Variants in NOVA1 observed in about 807,000 individuals in gnomAD.
NOVA1 encodes RNA-binding protein Nova-1.
Under a neutral mutation model 38.0 loss-of-function variants are expected in NOVA1, and 7 were observed. That is an observed-to-expected ratio of 0.18 (90% confidence interval 0.10 to 0.35). The LOEUF (loss-of-function observed/expected upper bound fraction) is 0.35, where lower values mean the gene tolerates loss of function less well. Among genes scored for constraint, NOVA1 ranks in the 10% least tolerant of loss-of-function variants. NOVA1 has a pLI of 1.00. For synonymous variants in NOVA1, 270 were observed against 232.5 expected (o/e 1.16, Z -1.47); for missense variants, 460 against 616.0 (o/e 0.75, Z 2.68).
At chr14:26,502,177 T>C (rs1172569014) in intron 2 of NOVA1, among the ~76,000 whole-genome samples, 1 of 151,918 alleles carries the variant, frequency 6.6e-6, no homozygotes, top group Non-Finnish European at 1.5e-5. Context: ...TTATTTTCTT[T>C]ACAGACCCTG....
At chr14:26,539,341 T>C (rs561046621) in intron 2 of NOVA1, among the ~76,000 whole-genome samples, 31 of 152,270 alleles carry the variant, frequency 2.0e-4, no homozygotes, top group African/African-American at 7.5e-4. Flanking sequence ...GTGATAGTTA[T>C]AATATGAAAG....
intron 2 of NOVA1, among the ~76,000 whole-genome samples, chr14:26,493,242 C>A (rs1248475761): frequency 6.6e-6 from 1 of 152,104 alleles, no homozygotes; most frequent in East Asian, 1.9e-4. Flanking sequence ...TGTCAGACAC[C>A]TGTTTGAGTA....
rs1039531617 is a variant in NOVA1, at chr14:26,443,579, A to G, written c.*4380T>C. 6.6e-6 allele frequency: 1 copy of G among 152,340 alleles called. No homozygotes were observed. The highest frequency in any genetic ancestry group is 2.4e-5 in the African/African-American group (1 of 41,432). 9.4% of individuals were successfully genotyped at this position (152,340 alleles called of 1,614,324 possible). ...AAGAAAAGTTATTTATTTGGGGCAC[A>G]TATCTGATGAAACAAAAAATAACAT... On this transcript the variant is annotated 3_prime_UTR_variant, in exon 5 of 5. Coordinates refer to ENST00000539517, the MANE Select transcript of NOVA1 (RefSeq NM_002515.3).
At chr14:26,453,258 A>C (rs887611090) in intron 4 of NOVA1, among the ~76,000 whole-genome samples, 1 of 151,976 alleles carries the variant, frequency 6.6e-6, no homozygotes, top group African/African-American at 2.4e-5. Context: ...CCCAGGCTGG[A>C]GTACAGTGAC....
intron 3 of NOVA1, among the ~76,000 whole-genome samples, chr14:26,473,097 T>A (rs953438061): frequency 4.6e-5 from 7 of 151,848 alleles, no homozygotes; most frequent in African/African-American, 1.7e-4. Flanking sequence ...GTAAATTTAA[T>A]ATAGATGAAG....
chr14:26,453,265 T>C (rs1470569211), intron 4 of NOVA1, among the ~76,000 whole-genome samples: 1 of 152,028 alleles, frequency 6.6e-6, no homozygotes, highest in African/African-American at 2.4e-5. Flanking sequence ...TGGAGTACAG[T>C]GACACAATCA....
At position 26,447,898 on chromosome 14, in the gene NOVA1, C is replaced by T. The variant is rs894648503; in HGVS notation, c.*61G>A. 5.1e-6 allele frequency: 7 copies of T among 1,360,174 alleles called. No homozygotes were observed. The highest frequency in any genetic ancestry group is 7.3e-6 in the Non-Finnish European group (7 of 958,232). The allele number at this position is 1,360,174 out of a possible 1,614,324, so 84.3% of individuals were successfully genotyped here. A position where few individuals can be genotyped will look rare whatever the true frequency, so the allele number is the denominator to read the frequency against. ...AACTTCACTTCTGCAAAGTACAGTA[C>T]ATCCTTCTTGAAAATGGGGTAAAGG... On this transcript the variant is annotated 3_prime_UTR_variant, in exon 5 of 5. Transcript: ENST00000539517.
intron 1 of NOVA1, chr14:26,596,875 C>T (rs945812861): frequency 8.8e-7 from 1 of 1,137,358 alleles, no homozygotes; most frequent in Non-Finnish European, 1.1e-6. Flanking sequence ...CAATCCGCTA[C>T]CCAAGTGCCA....
chr14:26,537,197 T>C (rs1186905093), intron 2 of NOVA1, among the ~76,000 whole-genome samples: 2 of 152,028 alleles, frequency 1.3e-5, no homozygotes, highest in East Asian at 3.8e-4. Context: ...AGTGTAGAAA[T>C]TTTTAAAATC....
chr14:26,463,438 T>C (rs907389953), intron 4 of NOVA1, among the ~76,000 whole-genome samples: 1 of 152,182 alleles, frequency 6.6e-6, no homozygotes, highest in Non-Finnish European at 1.5e-5. Flanking sequence ...GATTCCAATT[T>C]CCCTGATGAC....
At position 26,444,982 on chromosome 14, in the gene NOVA1, A is replaced by G. The variant is rs1209201477; in HGVS notation, c.*2977T>C. 6.6e-6 allele frequency: 1 copy of G among 152,206 alleles called. No homozygotes were observed. The highest frequency in any genetic ancestry group is 2.4e-5 in the African/African-American group (1 of 41,464). 9.4% of individuals were successfully genotyped at this position (152,206 alleles called of 1,614,324 possible). The stretch of plus-strand genomic sequence containing the variant: ...GAATGAGGTGTCCAATCTGTATGAT[A>G]AACAGCACACTGTGTCTCAGAGCGC... On this transcript the variant is annotated 3_prime_UTR_variant, in exon 5 of 5. Coordinates refer to ENST00000539517, the MANE Select transcript of NOVA1 (RefSeq NM_002515.3).
chr14:26,502,368 T>G (rs1887302162), intron 2 of NOVA1, among the ~76,000 whole-genome samples: 1 of 151,880 alleles, frequency 6.6e-6, no homozygotes, highest in East Asian at 1.9e-4. Flanking sequence ...GCTGTTCTTT[T>G]GCAATTAATT....
intron 2 of NOVA1, among the ~76,000 whole-genome samples, chr14:26,481,380 A>C (rs1462517581): frequency 1.3e-5 from 2 of 152,118 alleles, no homozygotes; most frequent in African/African-American, 4.8e-5. Flanking sequence ...AGTCATAAGG[A>C]GTTTATACTG....
intron 2 of NOVA1, among the ~76,000 whole-genome samples, chr14:26,577,996 T>C (rs1892968838): frequency 7.0e-6 from 1 of 143,848 alleles, no homozygotes. Flanking sequence ...TCCAAGGAAA[T>C]GAGAAAAAAA....
intron 2 of NOVA1, chr14:26,519,165 A>G (rs1888690324): frequency 6.7e-6 from 1 of 150,206 alleles, no homozygotes; most frequent in Non-Finnish European, 1.5e-5. Context: ...TTCCTCCAAT[A>G]TAACTATATA....
At chr14:26,478,325 C>G (rs930347077) in intron 3 of NOVA1, among the ~76,000 whole-genome samples, 3 of 151,694 alleles carry the variant, frequency 2.0e-5, no homozygotes, top group African/African-American at 7.3e-5. Context: ...ATTCATATCA[C>G]CGTCCTGAAC....
chr14:26,457,967 A>G (rs1226945955), intron 4 of NOVA1, among the ~76,000 whole-genome samples: 2 of 152,106 alleles, frequency 1.3e-5, no homozygotes, highest in Non-Finnish European at 2.9e-5. Flanking sequence ...CAAAATGAAA[A>G]GAAACTAAAT....
At chr14:26,488,031 A>G (rs891657505) in intron 2 of NOVA1, among the ~76,000 whole-genome samples, 26 of 152,312 alleles carry the variant, frequency 1.7e-4, no homozygotes, top group African/African-American at 6.3e-4. Flanking sequence ...AGGAGAAAAT[A>G]CACTATTTCA....
At chr14:26,492,161 T>C (rs979562586) in intron 2 of NOVA1, among the ~76,000 whole-genome samples, 1 of 152,208 alleles carries the variant, frequency 6.6e-6, no homozygotes, top group African/African-American at 2.4e-5. Flanking sequence ...AAACGAAATT[T>C]ATTTCTTAAT....
Sources: allele counts gnomAD v4.1 joint callset (sites outside exome capture counted in the v4.1 genomes callset), GRCh38; gene constraint gnomAD v4.1.1; transcripts MANE v1.5; gene names NCBI Gene and HGNC (gene_info 2026-07-23, HGNC 2026-07-21).